Variants in PTPRD observed in about 807,000 individuals in gnomAD.
The protein encoded by PTPRD is receptor-type tyrosine-protein phosphatase delta.
PTPRD carries 34 observed loss-of-function variants against 214.5 expected under a neutral mutation model. That is an observed-to-expected ratio of 0.16 (90% CI 0.12 to 0.21). The LOEUF (loss-of-function observed/expected upper bound fraction) is 0.21, where lower values mean the gene tolerates loss of function less well. Ranked by LOEUF, PTPRD falls within the 10% of genes least tolerant of loss-of-function variation. The pLI is 1.00. For missense variants in PTPRD, 2,545 were observed against 2,398.7 expected, an observed-to-expected ratio of 1.06 and a Z score of -1.27; for synonymous variants, 1,128 against 845.7, an observed-to-expected ratio of 1.33 and a Z score of -5.79.
At chr9:9,079,875 A>T (rs1234555813) in intron 10 of PTPRD, among the ~76,000 whole-genome samples, 1 of 152,096 alleles carries the variant, frequency 6.6e-6, no homozygotes, top group Non-Finnish European at 1.5e-5. Context: ...AGTTTACCAG[A>T]TTAATACATT....
chr9:10,588,427 T>TACACACACAC (rs3076471), intron 2 of PTPRD, among the ~76,000 whole-genome samples: 2,587 of 146,658 alleles, frequency 0.018, 31 homozygotes, highest in Middle Eastern at 0.024. Context: ...TGGCTTATTG[T>TACACACACAC]ACACACACAC....
chr9:10,548,354 C>A (rs1590634463), intron 2 of PTPRD, among the ~76,000 whole-genome samples: 1 of 152,198 alleles, frequency 6.6e-6, no homozygotes, highest in East Asian at 1.9e-4. Flanking sequence ...ATACTCTCTG[C>A]CACCCAGCTA....
intron 12 of PTPRD, among the ~76,000 whole-genome samples, chr9:8,703,204 C>A (rs986444461): frequency 6.6e-6 from 1 of 152,134 alleles, no homozygotes; most frequent in Non-Finnish European, 1.5e-5. Flanking sequence ...ATAGACTATT[C>A]TTTGAGGAGA....
chr9:8,464,536 G>C (rs72692950), intron 32 of PTPRD, among the ~76,000 whole-genome samples: 313 of 151,986 alleles, frequency 2.1e-3, no homozygotes, highest in Non-Finnish European at 3.8e-3. Flanking sequence ...ACCTGATGTG[G>C]AGAAATCTTT....
At chr9:9,315,854 T>G (rs1376646714) in intron 9 of PTPRD, among the ~76,000 whole-genome samples, 1 of 149,730 alleles carries the variant, frequency 6.7e-6, no homozygotes, top group African/African-American at 2.4e-5. Flanking sequence ...TTTTTTTTTT[T>G]TTTGCTACAT....
At chr9:8,828,301 T>C in intron 11 of PTPRD, among the ~76,000 whole-genome samples, 1 of 152,224 alleles carries the variant, frequency 6.6e-6, no homozygotes, top group Non-Finnish European at 1.5e-5. Flanking sequence ...GGTGAGCCTT[T>C]GAGAGGTAAT....
rs371870694 is a variant in PTPRD, at chr9:9,904,058, T to G, written c.-368+34449A>C. 1.1e-4 allele frequency among the ~76,000 whole-genome samples: 16 copies of G among 152,262 alleles called. 1 individual carries two copies. Among genetic ancestry groups the G allele is most frequent in the African/African-American group, 3.9e-4 (16 of 41,558 alleles). ...TTCAGTCCTCCAGGTGCACTGATGA[T>G]AGTGAAAAGACAGTTTCCCAAAGCA... On this transcript the variant is annotated intron_variant, in intron 5 of 45. Coordinates refer to ENST00000381196, the MANE Select transcript of PTPRD (RefSeq NM_002839.4).
intron 11 of PTPRD, among the ~76,000 whole-genome samples, chr9:8,734,312 C>G (rs1181086756): frequency 6.6e-6 from 1 of 152,174 alleles, no homozygotes; most frequent in Non-Finnish European, 1.5e-5. Flanking sequence ...TGCAAAGAAG[C>G]ACACCAGTGC....
At position 9,115,972 on chromosome 9, in the gene PTPRD, G is replaced by A. The variant is rs77818403; in HGVS notation, c.-143+67332C>T. Among the ~76,000 whole-genome samples, 1,146 of 152,194 alleles carry A rather than the reference G, an allele frequency of 7.5e-3. 15 individuals are homozygous for A. Among genetic ancestry groups the A allele is most frequent in the African/African-American group, 0.026 (1,086 of 41,524 alleles). On this transcript the variant is annotated intron_variant, in intron 10 of 45. Transcript: ENST00000381196. ...TCCTAAGATAATTAGCACAGGAACAGAAAATCAAATACTGCATGTTGTCAC... is the reference window on the plus strand; with the variant it reads ...TCCTAAGATAATTAGCACAGGAACAAAAAATCAAATACTGCATGTTGTCAC...
At chr9:10,129,196 T>C (rs1056483302) in intron 3 of PTPRD, among the ~76,000 whole-genome samples, 1 of 152,182 alleles carries the variant, frequency 6.6e-6, no homozygotes, top group Non-Finnish European at 1.5e-5. Flanking sequence ...CATCTTGCTT[T>C]GTTTATAGAT....
chr9:8,422,691 T>C (rs2094442934), intron 35 of PTPRD, among the ~76,000 whole-genome samples: 1 of 152,200 alleles, frequency 6.6e-6, no homozygotes, highest in Non-Finnish European at 1.5e-5. Context: ...GGATGATTTC[T>C]TGAGCTGTGA....
chr9:9,286,635 C>T (rs1327097913), intron 9 of PTPRD, among the ~76,000 whole-genome samples: 2 of 151,212 alleles, frequency 1.3e-5, no homozygotes, highest in East Asian at 2.0e-4. Context: ...TTTCCTGATG[C>T]CCCCAAACCT....
chr9:9,326,371 C>A (rs1432401074), intron 9 of PTPRD, among the ~76,000 whole-genome samples: 1 of 151,782 alleles, frequency 6.6e-6, no homozygotes, highest in African/African-American at 2.4e-5. Flanking sequence ...TTGAATGAAA[C>A]AATTAACAAA....
At chr9:10,172,443 G>A (rs1593115049) in intron 3 of PTPRD, among the ~76,000 whole-genome samples, 1 of 152,166 alleles carries the variant, frequency 6.6e-6, no homozygotes, top group Non-Finnish European at 1.5e-5. Context: ...AAATCAAGTA[G>A]TTGAAATCTT....
At chr9:9,864,812 C>T (rs1328442766) in intron 5 of PTPRD, among the ~76,000 whole-genome samples, 8 of 152,132 alleles carry the variant, frequency 5.3e-5, no homozygotes. Context: ...CCAGCCCCAA[C>T]CCAGCTTCTG....
chr9:9,097,747 C>G (rs890255896), intron 10 of PTPRD, among the ~76,000 whole-genome samples: 8 of 152,120 alleles, frequency 5.3e-5, no homozygotes, highest in African/African-American at 1.9e-4. Context: ...AGACAATTCT[C>G]TATGGGTCTC....
chr9:8,927,057 G>A (rs905416147), intron 11 of PTPRD, among the ~76,000 whole-genome samples: 1 of 152,032 alleles, frequency 6.6e-6, no homozygotes, highest in Admixed American at 6.6e-5. Flanking sequence ...GACATTGAAT[G>A]ATTTGTTTAA....
At chr9:10,258,992 T>C (rs541366854) in intron 3 of PTPRD, among the ~76,000 whole-genome samples, 3 of 152,222 alleles carry the variant, frequency 2.0e-5, no homozygotes, top group East Asian at 1.9e-4. Flanking sequence ...CTGTTGTTGT[T>C]GTTGTTTGTT....
chr9:8,620,959 A>G (rs2095801764), intron 14 of PTPRD, among the ~76,000 whole-genome samples: 2 of 152,038 alleles, frequency 1.3e-5, no homozygotes, highest in Non-Finnish European at 1.5e-5. Context: ...GGACCTAGAT[A>G]TTATTAAGTC....
Sources: allele counts gnomAD v4.1 joint callset (sites outside exome capture counted in the v4.1 genomes callset), GRCh38; gene constraint gnomAD v4.1.1; transcripts MANE v1.5; gene names NCBI Gene and HGNC (gene_info 2026-07-23, HGNC 2026-07-21).